The following ZBTB14 variants were observed in gnomAD, a reference collection of about 807,000 sequenced individuals.
ZBTB14 encodes the protein zinc finger and BTB domain-containing protein 14.
In ZBTB14, 8 loss-of-function variants were observed where a neutral mutation model predicts 29.5. The observed-to-expected ratio is 0.27, with a 90% CI of 0.16 to 0.49. The LOEUF (loss-of-function observed/expected upper bound fraction) is 0.49, where lower values mean the gene tolerates loss of function less well. Among genes scored for constraint, ZBTB14 ranks in the 20% least tolerant of loss-of-function variants. ZBTB14 has a pLI of 0.99. For missense variants in ZBTB14, 333 were observed against 563.8 expected, an observed-to-expected ratio of 0.59 and a Z score of 4.15; for synonymous variants, 226 against 207.2, an observed-to-expected ratio of 1.09 and a Z score of -0.78.
Position 5,290,837 on chromosome 18 carries a change from A to G in ZBTB14, c.*21T>C. On this transcript the variant is annotated 3_prime_UTR_variant, in exon 4 of 4. Transcript: ENST00000651870. ...ATCTCAGTCTCCACTTTCCAGGCAA[A>G]GTGTCCCTGTCCCACCGCCTCTAGC... The G allele has an allele frequency of 6.3e-7, 1 of 1,598,690 alleles. No individual in the cohort carries two copies.
chr18:5,293,466 T>G (rs573525353), intron 2 of ZBTB14, 139 bp from the exon 3 acceptor site: 1 of 559,470 alleles, frequency 1.8e-6, no homozygotes, highest in African/African-American at 1.9e-5. Context: ...GGCAGGTAGG[T>G]AGCTGGTACA....
chr18:5,293,213 A>C, intron 3 of ZBTB14, 31 bp downstream of exon 3: 2 of 1,610,908 alleles, frequency 1.2e-6, no homozygotes, highest in Non-Finnish European at 1.7e-6. Flanking sequence ...AGTCATTTTC[A>C]TCAAGATTTA....
upstream of ZBTB14, chr18:5,295,754 GCC>G (rs919588576): frequency 6.6e-6 from 1 of 151,210 alleles, no homozygotes; most frequent in Non-Finnish European, 1.5e-5. Context: ...GCCGCCGGCC[GCC>G]CCCGCGCCCG....
intron 2 of ZBTB14, 117 bp from the exon 3 acceptor site, chr18:5,293,444 G>T (rs116351410): frequency 0.034 from 20,564 of 601,748 alleles, 490 homozygotes; most frequent in Middle Eastern, 0.096. Context: ...GCATTTTCAG[G>T]TTGGGGAGAG....
rs138277959 is a variant in ZBTB14 at position 5,291,224 on chromosome 18, T to C, written c.984A>G (p.Thr328=). 787 of 1,614,234 alleles carry C rather than the reference T, an allele frequency of 4.9e-4. 4 individuals carry two copies. The African/African-American group carries it at 9.0e-3, about 18-fold the overall frequency. Residue 328 remains threonine, a synonymous_variant, in exon 4 of 4, where the codon ACA becomes ACG. Coordinates refer to ENST00000651870, the MANE Select transcript of ZBTB14 (RefSeq NM_001243702.2). This position sits in a 1 kb window ranked among gnomAD's most constrained non-coding sequence, Gnocchi z 5.8. ...AHLKEHLKIH[T]GYKPYSCEVC... The stretch of plus-strand genomic sequence containing the variant: ...CCTCACAGCTATAGGGCTTATATCC[T>C]GTGTGGATTTTTAGGTGTTCTTTCA...
rs764708261 is a variant in ZBTB14 at position 5,291,653 on chromosome 18, C to G, written c.555G>C (p.Gln185His). ...TTGTGGTGGGCGACTTGCCGTCCTC[C>G]TGACTCGGGGGTGTGCCTTCTACTG... ...DDTVEGTPPS[Q>H]EDGKSPTTTL... The change falls in exon 4 of 4, where the codon CAG (glutamine) becomes CAC (histidine). Residue 185 changes from glutamine to histidine, a missense_variant. This residue lies in a region of ZBTB14 where 126 missense variants were observed against 132.2 expected (regional missense o/e 0.95). Transcript: ENST00000651870. The surrounding 1 kb of genome is among the most constrained non-coding windows in gnomAD (Gnocchi z 5.8). 3 of 1,614,096 alleles carry G rather than the reference C, an allele frequency of 1.9e-6. No homozygotes were observed. Among genetic ancestry groups the G allele is most frequent in the Non-Finnish European group, 8.5e-7 (1 of 1,180,032 alleles).
In ZBTB14 at chr18:5,290,543, A is replaced by G. The variant is rs1293667013; in HGVS notation, c.*315T>C. ...GGGTGGTGAGTGTAAAGGAACTAAA[A>G]ATGGAAGTCTCTCACTTCTAAACTG... On this transcript the variant is annotated 3_prime_UTR_variant, in exon 4 of 4. Coordinates refer to ENST00000651870, the MANE Select transcript of ZBTB14 (RefSeq NM_001243702.2). 3.4e-6 allele frequency: 1 copy of G among 295,590 alleles called. No individual in the cohort carries two copies. The highest frequency in any genetic ancestry group is 6.3e-6 in the Non-Finnish European group (1 of 158,762). 18.3% of individuals were successfully genotyped at this position (295,590 alleles called of 1,614,324 possible).
chr18:5,294,126 G>C (rs2071884217), intron 1 of ZBTB14, 125 bp from the exon 2 acceptor site: 1 of 152,222 alleles, frequency 6.6e-6, no homozygotes. Context: ...CTCCAACCTG[G>C]AGACCAACAC....
At position 5,291,638 on chromosome 18, in the gene ZBTB14, C is replaced by T. The variant is rs374308974; in HGVS notation, c.570G>A (p.Ser190=). The change falls in exon 4 of 4, where the codon TCG becomes TCA. Residue 190 remains serine, a synonymous_variant. Coordinates refer to ENST00000651870, the MANE Select transcript of ZBTB14 (RefSeq NM_001243702.2). The surrounding 1 kb of genome is among the most constrained non-coding windows in gnomAD (Gnocchi z 5.8). ...CCTGAACCCTGAGCGTTGTGGTGGG[C>T]GACTTGCCGTCCTCCTGACTCGGGG... ...GTPPSQEDGK[S]PTTTLRVQEA... is the part of the protein sequence containing the mutation. The T allele has an allele frequency of 9.9e-6, 16 of 1,613,888 alleles. No homozygotes were observed. The highest frequency in any genetic ancestry group is 8.9e-5 in the East Asian group (4 of 44,870).
Position 5,290,738 on chromosome 18 carries a change from G to C in ZBTB14, c.*120C>G. ...AATAGCTAACCAAGCACTGCCTTAA[G>C]TCCAGTGAGTACAATGTTCCATACG... On this transcript the variant is annotated 3_prime_UTR_variant, in exon 4 of 4. Coordinates refer to ENST00000651870, the MANE Select transcript of ZBTB14 (RefSeq NM_001243702.2). 2.8e-6 allele frequency: 4 copies of C among 1,437,052 alleles called. No homozygotes were observed. Among genetic ancestry groups the C allele is most frequent in the Non-Finnish European group, 3.8e-6 (4 of 1,066,420 alleles). The allele number at this position is 1,437,052 out of a possible 1,614,324, so 89.0% of individuals were successfully genotyped here.
chr18:5,292,225 T>C (rs2071832856), intron 3 of ZBTB14, 21 bp from the exon 4 acceptor site: 2 of 1,432,932 alleles, frequency 1.4e-6, no homozygotes, highest in African/African-American at 1.4e-5. Flanking sequence ...AAAAAAAGTT[T>C]AGTAATTATA....
chr18:5,292,032 G>A lies in ZBTB14; in HGVS notation c.176C>T (p.Thr59Ile). The A allele has an allele frequency of 1.2e-6, 2 of 1,613,146 alleles. No homozygotes were observed. The highest frequency in any genetic ancestry group is 1.7e-6 in the Non-Finnish European group (2 of 1,179,942). ...CTTCTTGAAAAGCTTTTTAAAGTAA[G>A]TGCTGCAGGCAGCAAGAACACATCT... ...AHRCVLAACS[T>I]YFKKLFKKLE... The change falls in exon 4 of 4, where the codon ACT becomes ATT. Residue 59 changes from threonine to isoleucine, a missense_variant. Thr to Ile is a moderately conservative substitution (Grantham distance 89). This residue lies in a region of ZBTB14 where 67 missense variants were observed against 157.0 expected (regional missense o/e 0.43). Coordinates refer to ENST00000651870, the MANE Select transcript of ZBTB14 (RefSeq NM_001243702.2).
chr18:5,296,728 C>A (rs1470860966), upstream of ZBTB14, among the ~76,000 whole-genome samples: 1 of 151,960 alleles, frequency 6.6e-6, no homozygotes. Flanking sequence ...AGTTGCCCAG[C>A]AGAAAGGGAT....
intron 2 of ZBTB14, chr18:5,293,544 C>T: frequency 3.2e-6 from 1 of 312,992 alleles, no homozygotes; most frequent in Non-Finnish European, 5.9e-6. Context: ...CATAAAGGGG[C>T]TGTGCCCTAG....
Position 5,291,513 on chromosome 18 carries a change from C to T in ZBTB14, c.695G>A (p.Gly232Glu), listed in dbSNP as rs765757482. 1.1e-5 allele frequency: 18 copies of T among 1,614,110 alleles called. No individual in the cohort carries two copies. Among genetic ancestry groups the T allele is most frequent in the Non-Finnish European group, 1.4e-5 (16 of 1,180,022 alleles). Reference protein sequence around the residue: ...SMETPESKDLGSQTPQALTFN... With the variant: ...SMETPESKDLESQTPQALTFN... ...TGTTAAGGCTTGAGGGGTCTGGGAC[C>T]CCAAGTCTTTTGATTCTGGGGTCTC... is the stretch of plus-strand genomic sequence containing the variant. Residue 232 changes from glycine to glutamate, a missense_variant, in exon 4 of 4, where the codon GGG becomes GAG. Gly to Glu is a moderately conservative substitution (Grantham distance 98). Around this residue, in one of 3 missense-constraint regions of ZBTB14, gnomAD observed 126 missense variants for 132.2 expected, o/e 0.95. Transcript: ENST00000651870. This position sits in a 1 kb window ranked among gnomAD's most constrained non-coding sequence, Gnocchi z 5.8.
Position 5,291,142 on chromosome 18 carries a change from T to C in ZBTB14, c.1066A>G (p.Ser356Gly). ...PDLKKHERVH[S>G]NERPFACHMC... Reference sequence around the variant, plus strand: ...TGGCACGCAAACGGTCTTTCATTACTGTGAACTCTCTCATGCTTCTTTAAG... The same window carrying C: ...TGGCACGCAAACGGTCTTTCATTACCGTGAACTCTCTCATGCTTCTTTAAG... The change falls in exon 4 of 4, where the codon AGT (serine) becomes GGT (glycine). Residue 356 changes from serine to glycine, a missense_variant. Ser to Gly is a moderately conservative substitution (Grantham distance 56). Transcript: ENST00000651870. The surrounding 1 kb of genome is among the most constrained non-coding windows in gnomAD (Gnocchi z 5.8). The C allele has an allele frequency of 6.2e-7, 1 of 1,614,286 alleles. No homozygotes were observed. The highest frequency in any genetic ancestry group is 8.5e-7 in the Non-Finnish European group (1 of 1,180,052).
In ZBTB14 at chr18:5,292,348, A is replaced by G. The variant is rs1227385945; in HGVS notation, c.4-144T>C. ...AAGAGTGGTCTTTGAATATGGGTAG[A>G]AAAGACTGATCCCAACTCAAGGATC... On this transcript the variant is annotated intron_variant, in intron 3 of 3. Transcript: ENST00000651870. The G allele has an allele frequency of 5.9e-6, 4 of 682,266 alleles. No individual in the cohort carries two copies. The East Asian group carries it at 1.2e-4, about 20-fold the overall frequency. The allele number at this position is 682,266 out of a possible 1,614,324, so 42.3% of individuals were successfully genotyped here. A position where few individuals can be genotyped will look rare whatever the true frequency, so the allele number is the denominator to read the frequency against.
Position 5,291,369 on chromosome 18 carries a change from TGGCA to T in ZBTB14, c.835_838del (p.Cys279ArgfsTer13). 1 of 1,614,232 alleles carries T rather than the reference TGGCA, an allele frequency of 6.2e-7. No homozygotes were observed. The highest frequency in any genetic ancestry group is 1.6e-4 in the Middle Eastern group (1 of 6,062). ...ATCAGAAAACGTCTTCCCACACGCC[TGGCA>T]GGCAATCTGCTCCCGATGGTGACCA... is the stretch of plus-strand genomic sequence containing the variant. On this transcript the variant is annotated frameshift_variant, in exon 4 of 4. Coordinates refer to ENST00000651870, the MANE Select transcript of ZBTB14 (RefSeq NM_001243702.2). LOFTEE classifies it high-confidence loss of function. This position sits in a 1 kb window ranked among gnomAD's most constrained non-coding sequence, Gnocchi z 5.8.
rs2071789946 is a variant in ZBTB14 at position 5,290,620 on chromosome 18, G to C, written c.*238C>G. 2 of 340,072 alleles carry C rather than the reference G, an allele frequency of 5.9e-6. No individual in the cohort carries two copies. The highest frequency in any genetic ancestry group is 9.1e-6 in the Non-Finnish European group (2 of 220,116). 21.1% of individuals were successfully genotyped at this position (340,072 alleles called of 1,614,324 possible). A position where few individuals can be genotyped will look rare whatever the true frequency, so the allele number is the denominator to read the frequency against. ...ATAAAAAAAAAAAAGGGAGAGAGGT[G>C]CTTACTGGGCAACATTAATACTAGA... On this transcript the variant is annotated 3_prime_UTR_variant, in exon 4 of 4. Transcript: ENST00000651870.
Sources: gnomAD v4.1 joint callset for allele counts (sites outside exome capture counted in the v4.1 genomes callset) on GRCh38, gnomAD v4.1.1 for gene constraint, gnomAD v4.1.1 regional missense constraint, Gnocchi (gnomAD v3.1) non-coding constraint, MANE v1.5 for transcripts, NCBI Gene and HGNC (gene_info 2026-07-23, HGNC 2026-07-21) for gene names.